The following ADCY1 variants were observed in gnomAD, a reference collection of about 807,000 sequenced individuals.
The protein encoded by ADCY1 is adenylate cyclase type 1.
ADCY1 carries 28 observed loss-of-function variants against 105.4 expected under a neutral mutation model. The observed-to-expected ratio is 0.27, with a 90% CI of 0.20 to 0.36. The LOEUF is 0.36. Among genes scored for constraint, ADCY1 ranks in the 10% least tolerant of loss-of-function variants. The pLI is 1.00. For missense variants in ADCY1, 977 were observed against 1,434.2 expected (o/e 0.68, Z 5.15); for synonymous variants, 655 against 623.8 (o/e 1.05, Z -0.75).
intron 7 of ADCY1, 116 bp downstream of exon 7, chr7:45,660,299 C>G (rs1584312725): frequency 7.0e-7 from 1 of 1,422,266 alleles, no homozygotes; most frequent in Non-Finnish European, 9.6e-7. Context: ...GGGCTGTGAA[C>G]TTGCTAAGAT....
intron 3 of ADCY1, among the ~76,000 whole-genome samples, chr7:45,610,777 T>TGATG (rs1562687059): frequency 7.7e-6 from 1 of 130,696 alleles, no homozygotes; most frequent in Non-Finnish European, 1.6e-5. Flanking sequence ...ATAGTGGAGG[T>TGATG]GTGGGGGTGA....
Position 45,678,088 on chromosome 7 carries a change from C to T in ADCY1, c.1800+25C>T, listed in dbSNP as rs777044919. The stretch of plus-strand genomic sequence containing the variant: ...GGTAAGCAACTCTGGTTTTCGGCTT[C>T]CCTGGTGCTGCTTGCGAAGGCGCTG... On this transcript the variant is annotated intron_variant, in intron 9 of 19. Coordinates refer to ENST00000297323, the MANE Select transcript of ADCY1 (RefSeq NM_021116.4). The T allele has an allele frequency of 6.2e-6, 10 of 1,613,768 alleles. No individual in the cohort carries two copies. In the South Asian group the frequency reaches 9.9e-5, roughly 16 times the overall value.
In ADCY1 at chr7:45,703,269, A is replaced by G. The variant is rs947639250; in HGVS notation, c.2455-107A>G. ...AGGGACAGGAGCGTGGATGTAGACC[A>G]TCAGCACACCTGGAGTCCAGTTTGG... On this transcript the variant is annotated intron_variant, in intron 14 of 19. Coordinates refer to ENST00000297323, the MANE Select transcript of ADCY1 (RefSeq NM_021116.4). The surrounding 1 kb of genome is among the most constrained non-coding windows in gnomAD (Gnocchi z 5.9). 1.7e-5 allele frequency: 17 copies of G among 1,026,416 alleles called. No individual in the cohort carries two copies. The highest frequency in any genetic ancestry group is 1.3e-4 in the African/African-American group (8 of 63,916). 63.6% of individuals were successfully genotyped at this position (1,026,416 alleles called of 1,614,324 possible).
rs1197144671 is a variant in ADCY1 at position 45,710,178 on chromosome 7, T to C, written c.2933-350T>C. ...ATCACAGATATTGAAAGGCCACACTTCTGAGTGGCTCCCCTGGTAGGGCTC... is the reference window on the plus strand; with the variant it reads ...ATCACAGATATTGAAAGGCCACACTCCTGAGTGGCTCCCCTGGTAGGGCTC... On this transcript the variant is annotated intron_variant, in intron 18 of 19. Transcript: ENST00000297323. This position sits in a 1 kb window ranked among gnomAD's most constrained non-coding sequence, Gnocchi z 4.7. Among the ~76,000 whole-genome samples, 1 of 152,172 alleles carries C rather than the reference T, an allele frequency of 6.6e-6. No individual in the cohort carries two copies. The highest frequency in any genetic ancestry group is 1.5e-5 in the Non-Finnish European group (1 of 68,016).
At chr7:45,663,515 G>A (rs1481831613) in intron 8 of ADCY1, among the ~76,000 whole-genome samples, 2 of 152,180 alleles carry the variant, frequency 1.3e-5, no homozygotes, top group African/African-American at 2.4e-5. Flanking sequence ...GCAGCCAGGC[G>A]GGCGGGAGCT....
chr7:45,634,401 T>C lies in ADCY1; in HGVS notation c.1020+11658T>C, dbSNP rs368050689. Among the ~76,000 whole-genome samples the C allele has an allele frequency of 9.3e-5, 14 of 151,248 alleles. No individual in the cohort carries two copies. In the South Asian group the frequency reaches 1.7e-3, roughly 18 times the overall value. ...ATACTTTTTATCAAGTTGAGCAAGTTTCCTTTTATTTCTAGTTTGCTGAGT... is the reference window on the plus strand; with the variant it reads ...ATACTTTTTATCAAGTTGAGCAAGTCTCCTTTTATTTCTAGTTTGCTGAGT... On this transcript the variant is annotated intron_variant, in intron 4 of 19. Transcript: ENST00000297323.
At chr7:45,583,541 G>C (rs1584246568) in intron 1 of ADCY1, among the ~76,000 whole-genome samples, 1 of 152,204 alleles carries the variant, frequency 6.6e-6, no homozygotes, top group African/African-American at 2.4e-5. Context: ...CTCTGAAGTA[G>C]ACTCTTCAGC....
intron 1 of ADCY1, among the ~76,000 whole-genome samples, chr7:45,592,136 A>G (rs1385647340): frequency 6.6e-6 from 1 of 151,198 alleles, no homozygotes; most frequent in Non-Finnish European, 1.5e-5. Flanking sequence ...CACTCTACAC[A>G]TATGTATTCT....
chr7:45,701,467 A>G (rs1025942732), intron 14 of ADCY1, among the ~76,000 whole-genome samples: 3 of 152,220 alleles, frequency 2.0e-5, no homozygotes, highest in Admixed American at 6.5e-5. Context: ...AGCATATTCA[A>G]TTACGTTGTT....
intron 16 of ADCY1, 69 bp from the exon 17 acceptor site, chr7:45,704,449 G>A: frequency 1.4e-6 from 2 of 1,393,514 alleles, no homozygotes; most frequent in Non-Finnish European, 2.0e-6. Context: ...TTGCTCCTGG[G>A]GGCTGACGGC....
Position 45,721,900 on chromosome 7 carries a change from A to C in ADCY1, c.*7905A>C. 2.5e-6 allele frequency: 1 copy of C among 398,640 alleles called. No individual in the cohort carries two copies. The highest frequency in any genetic ancestry group is 4.4e-6 in the Non-Finnish European group (1 of 226,078). The allele number at this position is 398,640 out of a possible 1,614,324, so 24.7% of individuals were successfully genotyped here. A position where few individuals can be genotyped will look rare whatever the true frequency, so the allele number is the denominator to read the frequency against. On this transcript the variant is annotated 3_prime_UTR_variant, in exon 20 of 20. Transcript: ENST00000297323. ...ACTTATTGAGAATTAATGTTTAAACAGACATAATAGCCTAGATGAACTCCC... is the reference window on the plus strand; with the variant it reads ...ACTTATTGAGAATTAATGTTTAAACCGACATAATAGCCTAGATGAACTCCC...
At chr7:45,612,401 G>T (rs1394876760) in intron 3 of ADCY1, among the ~76,000 whole-genome samples, 1 of 152,156 alleles carries the variant, frequency 6.6e-6, no homozygotes, top group Non-Finnish European at 1.5e-5. Context: ...GGCAGGCTGG[G>T]ACAGGAACTG....
chr7:45,650,621 C>G (rs1172426504), intron 5 of ADCY1, among the ~76,000 whole-genome samples: 4 of 152,114 alleles, frequency 2.6e-5, no homozygotes, highest in Non-Finnish European at 5.9e-5. Context: ...CCTGACTGTG[C>G]CGAGTGGGGT....
chr7:45,698,660 A>G (rs1784932182), intron 14 of ADCY1, among the ~76,000 whole-genome samples: 1 of 152,214 alleles, frequency 6.6e-6, no homozygotes. Flanking sequence ...AGCCTGCCCC[A>G]TGCTGTAAAC....
chr7:45,582,274 T>G (rs1792573750), intron 1 of ADCY1, among the ~76,000 whole-genome samples: 1 of 152,204 alleles, frequency 6.6e-6, no homozygotes, highest in African/African-American at 2.4e-5. Flanking sequence ...CTGTGCCCTG[T>G]GTCTCAGCAG....
intron 1 of ADCY1, among the ~76,000 whole-genome samples, chr7:45,588,359 A>G (rs1449943455): frequency 6.6e-6 from 1 of 152,158 alleles, no homozygotes; most frequent in Non-Finnish European, 1.5e-5. Flanking sequence ...TCATTTCTCC[A>G]GGGAGCCCCA....
In ADCY1 at chr7:45,635,629, T is replaced by C. The variant is rs868336217; in HGVS notation, c.1020+12886T>C. Among the ~76,000 whole-genome samples the C allele has an allele frequency of 4.1e-3, 585 of 143,982 alleles. 1 individual carries two copies. The highest frequency in any genetic ancestry group is 9.8e-3 in the African/African-American group (374 of 38,274). 94.5% of individuals were successfully genotyped at this position (143,982 alleles called of 152,430 possible). ...TTTTTTTTTTTTTTTTTTTTTTTTTTCCAGACCCATGGGTTATTTAGAGAT... is the reference window on the plus strand; with the variant it reads ...TTTTTTTTTTTTTTTTTTTTTTTTTCCCAGACCCATGGGTTATTTAGAGAT... On this transcript the variant is annotated intron_variant, in intron 4 of 19. Coordinates refer to ENST00000297323, the MANE Select transcript of ADCY1 (RefSeq NM_021116.4).
At chr7:45,618,272 T>C (rs1793794672) in intron 3 of ADCY1, among the ~76,000 whole-genome samples, 1 of 152,172 alleles carries the variant, frequency 6.6e-6, no homozygotes, top group East Asian at 1.9e-4. Flanking sequence ...CTATGAAATT[T>C]CTGGAAGAAA....
intron 3 of ADCY1, among the ~76,000 whole-genome samples, chr7:45,616,885 A>G (rs1024716047): frequency 6.6e-6 from 1 of 152,230 alleles, no homozygotes; most frequent in Non-Finnish European, 1.5e-5. Flanking sequence ...TAGGAAGCAG[A>G]AGGAAAACAG....
Sources: allele counts gnomAD v4.1 joint callset (sites outside exome capture counted in the v4.1 genomes callset), GRCh38; gene constraint gnomAD v4.1.1; non-coding constraint Gnocchi (gnomAD v3.1); transcripts MANE v1.5; gene names NCBI Gene and HGNC (gene_info 2026-07-23, HGNC 2026-07-21).